LIPA: variants seen among roughly 807,000 people sequenced by gnomAD.
LIPA encodes lysosomal acid lipase/cholesteryl ester hydrolase.
LIPA carries 26 observed loss-of-function variants against 40.6 expected under a neutral mutation model. The ratio of observed to expected loss-of-function variants is 0.64; its 90% CI spans 0.47 to 0.89. LIPA has a LOEUF of 0.89. Among genes scored for constraint, LIPA ranks in the 40% least tolerant of loss-of-function variants. The probability of loss-of-function intolerance (pLI) is 0.00; values close to 1 mark genes in which losing one functional copy is unlikely to be tolerated. For synonymous variants in LIPA, 188 were observed against 168.4 expected (o/e 1.12, Z -0.90); for missense variants, 455 against 479.6 (o/e 0.95, Z 0.48).
chr10:89,326,992 C>T (rs1392779222), intron 1 of LIPA, among the ~76,000 whole-genome samples: 1 of 152,136 alleles, frequency 6.6e-6, no homozygotes. Flanking sequence ...TTGGCTAGGT[C>T]CAGAAAGGTG....
intron 1 of LIPA, among the ~76,000 whole-genome samples, chr10:89,287,696 G>C (rs1490804145): frequency 1.3e-5 from 2 of 152,014 alleles, no homozygotes; most frequent in African/African-American, 2.4e-5. Context: ...CCATCCCACA[G>C]CACGCTTTAA....
At chr10:89,396,013 G>T (rs1190514285) in intron 2 of LIPA, among the ~76,000 whole-genome samples, 1 of 151,796 alleles carries the variant, frequency 6.6e-6, no homozygotes, top group Non-Finnish European at 1.5e-5. Flanking sequence ...CCATTTTTTG[G>T]CCATTATGAA....
intron 3 of LIPA, among the ~76,000 whole-genome samples, chr10:89,238,465 T>C (rs1842931049): frequency 6.6e-6 from 1 of 152,218 alleles, no homozygotes; most frequent in African/African-American, 2.4e-5. Context: ...AGAATTGCTA[T>C]TCTATAGAAA....
At chr10:89,268,074 G>A (rs187167285) in intron 1 of LIPA, among the ~76,000 whole-genome samples, 40 of 152,254 alleles carry the variant, frequency 2.6e-4, no homozygotes, top group African/African-American at 9.1e-4. Context: ...TTCATGTAAT[G>A]TGTGCCCCAA....
chr10:89,327,090 T>C (rs1008907035), intron 1 of LIPA, among the ~76,000 whole-genome samples: 1 of 152,132 alleles, frequency 6.6e-6, no homozygotes, highest in Admixed American at 6.5e-5. Flanking sequence ...GAAAGAGTTA[T>C]TATCAATAGA....
intron 3 of LIPA, among the ~76,000 whole-genome samples, chr10:89,231,559 A>C (rs896227082): frequency 6.6e-6 from 1 of 152,084 alleles, no homozygotes; most frequent in Admixed American, 6.5e-5. Context: ...CTGCAGCCTC[A>C]AACTCCTGGA....
intron 3 of LIPA, among the ~76,000 whole-genome samples, chr10:89,233,944 G>A (rs1004946266): frequency 2.0e-5 from 3 of 152,154 alleles, no homozygotes; most frequent in Non-Finnish European, 4.4e-5. Flanking sequence ...TGCTAGGAAT[G>A]CAAAGATGGG....
intron 2 of LIPA, among the ~76,000 whole-genome samples, chr10:89,354,469 T>C (rs1305045890): frequency 6.6e-6 from 1 of 151,980 alleles, no homozygotes; most frequent in Admixed American, 6.6e-5. Context: ...AGAGTTTGAC[T>C]CTTTTCATTG....
At chr10:89,357,346 A>G (rs949262635) in intron 2 of LIPA, among the ~76,000 whole-genome samples, 3 of 152,248 alleles carry the variant, frequency 2.0e-5, no homozygotes, top group African/African-American at 4.8e-5. Flanking sequence ...GGAACCAAGC[A>G]CTATGTAGCA....
In LIPA at chr10:89,364,973, T is replaced by A. The variant is rs1844047222; in HGVS notation, c.61+47818A>T. Among the ~76,000 whole-genome samples the A allele has an allele frequency of 3.3e-5, 5 of 152,240 alleles. No individual in the cohort carries two copies. In the South Asian group the frequency reaches 1.0e-3, roughly 32 times the overall value. On this transcript the variant is annotated intron_variant, in intron 2 of 8. Transcript: ENST00000371837. Reference sequence around the variant, plus strand: ...ATAAGAGGCAGAAGAAGCCATAACATCTACCTACAAATAAAAGACACACAT... The same window carrying A: ...ATAAGAGGCAGAAGAAGCCATAACAACTACCTACAAATAAAAGACACACAT...
intron 2 of LIPA, among the ~76,000 whole-genome samples, chr10:89,391,873 T>C (rs1277582540): frequency 1.3e-5 from 2 of 152,182 alleles, no homozygotes; most frequent in Admixed American, 1.3e-4. Flanking sequence ...ATAATAATAA[T>C]AGTTACCACT....
chr10:89,379,270 A>G (rs1844144025), intron 2 of LIPA, among the ~76,000 whole-genome samples: 2 of 152,170 alleles, frequency 1.3e-5, no homozygotes, highest in Non-Finnish European at 2.9e-5. Flanking sequence ...ATCACTTGGG[A>G]AGGTAGCAGA....
intron 2 of LIPA, chr10:89,403,745 T>C: frequency 8.5e-7 from 1 of 1,174,420 alleles, no homozygotes; most frequent in Non-Finnish European, 1.2e-6. Flanking sequence ...CACATTTCAT[T>C]TCATTTTATG....
At chr10:89,264,162 G>A (rs752989693) in intron 1 of LIPA, among the ~76,000 whole-genome samples, 2 of 152,202 alleles carry the variant, frequency 1.3e-5, no homozygotes, top group African/African-American at 2.4e-5. Flanking sequence ...GCAAGCAGGG[G>A]GGGTGGTAGG....
intron 3 of LIPA, among the ~76,000 whole-genome samples, chr10:89,230,876 T>C (rs1842833130): frequency 6.6e-6 from 1 of 152,190 alleles, no homozygotes; most frequent in Non-Finnish European, 1.5e-5. Context: ...CCAAAAATAA[T>C]TGTTAAGAGG....
chr10:89,399,668 C>A (rs1844393689), intron 2 of LIPA, among the ~76,000 whole-genome samples: 1 of 152,158 alleles, frequency 6.6e-6, no homozygotes. Context: ...TATTGAAAAT[C>A]ATTCCACCAT....
upstream of LIPA, among the ~76,000 whole-genome samples, chr10:89,347,102 A>C (rs1328255801): frequency 6.6e-6 from 1 of 152,234 alleles, no homozygotes; most frequent in Non-Finnish European, 1.5e-5. Flanking sequence ...GGTCATACTC[A>C]CAGCTAAGCC....
chr10:89,354,922 G>T (rs1443228901), intron 2 of LIPA, among the ~76,000 whole-genome samples: 1 of 152,114 alleles, frequency 6.6e-6, no homozygotes, highest in Non-Finnish European at 1.5e-5. Flanking sequence ...GACTGGTTGG[G>T]CAAAGACAAA....
At chr10:89,407,481 G>A (rs1287263398) in intron 2 of LIPA, among the ~76,000 whole-genome samples, 4 of 152,182 alleles carry the variant, frequency 2.6e-5, no homozygotes, top group African/African-American at 9.7e-5. Context: ...TCGTATGGGG[G>A]ACTATCTGGA....
Sources: gnomAD v4.1 joint callset for allele counts (sites outside exome capture counted in the v4.1 genomes callset) on GRCh38, gnomAD v4.1.1 for gene constraint, MANE v1.5 for transcripts, NCBI Gene and HGNC (gene_info 2026-07-23, HGNC 2026-07-21) for gene names.